Variants in SNTG2 observed in about 807,000 individuals in gnomAD.
SNTG2 encodes the protein gamma-2-syntrophin.
Under a neutral mutation model 70.9 loss-of-function variants are expected in SNTG2, and 74 were observed. The observed-to-expected ratio is 1.04, with a 90% CI of 0.86 to 1.27. The LOEUF (loss-of-function observed/expected upper bound fraction) is 1.27. SNTG2 is among the 50% of genes most tolerant of loss of function. SNTG2 has a pLI of 0.00. For missense variants in SNTG2, 717 were observed against 690.7 expected, an observed-to-expected ratio of 1.04 and a Z score of -0.43; for synonymous variants, 278 against 273.8, an observed-to-expected ratio of 1.02 and a Z score of -0.15.
intron 6 of SNTG2, among the ~76,000 whole-genome samples, chr2:1,155,596 C>G (rs12714391): frequency 0.78 from 118,412 of 151,896 alleles, 47,044 homozygotes; most frequent in Non-Finnish European, 0.86. Context: ...ATGTGTGCAA[C>G]AATCTGGACG....
intron 13 of SNTG2, among the ~76,000 whole-genome samples, chr2:1,264,562 A>C (rs1678621840): frequency 6.6e-6 from 1 of 152,244 alleles, no homozygotes; most frequent in Non-Finnish European, 1.5e-5. Flanking sequence ...GCTGTGCACC[A>C]CAGATTGAGG....
chr2:1,301,222 G>C (rs1436232791), intron 14 of SNTG2, among the ~76,000 whole-genome samples: 1 of 152,104 alleles, frequency 6.6e-6, no homozygotes, highest in African/African-American at 2.4e-5. Flanking sequence ...ATGGGATTGG[G>C]CACCTTACTT....
chr2:1,010,785 G>A (rs946454500), intron 1 of SNTG2, among the ~76,000 whole-genome samples: 7 of 152,182 alleles, frequency 4.6e-5, no homozygotes, highest in Non-Finnish European at 8.8e-5. Context: ...AATGACAGCC[G>A]TGCTCAGTGG....
chr2:1,234,590 C>T (rs934820741), intron 9 of SNTG2, among the ~76,000 whole-genome samples: 1 of 152,192 alleles, frequency 6.6e-6, no homozygotes, highest in Non-Finnish European at 1.5e-5. Flanking sequence ...CAGCCTGCCT[C>T]ATGAAGCTAT....
At chr2:1,151,708 T>C (rs1669509833) in intron 6 of SNTG2, among the ~76,000 whole-genome samples, 1 of 152,198 alleles carries the variant, frequency 6.6e-6, no homozygotes, top group Non-Finnish European at 1.5e-5. Context: ...CCTTTGCCCG[T>C]GCGTGCCGTG....
At position 1,205,068 on chromosome 2, in the gene SNTG2, T is replaced by G. The variant is rs141707995; in HGVS notation, c.592-4035T>G. Among the ~76,000 whole-genome samples, 836 of 152,314 alleles carry G rather than the reference T, an allele frequency of 5.5e-3. 6 individuals are homozygous for G. The highest frequency in any genetic ancestry group is 0.019 in the African/African-American group (774 of 41,576). On this transcript the variant is annotated intron_variant, in intron 8 of 16. Coordinates refer to ENST00000308624, the MANE Select transcript of SNTG2 (RefSeq NM_018968.4). ...ACAAAATGGGTGATAAGGTTTTTTT[T>G]AACCTTTTTATATTTCCCATCTTTT...
At chr2:1,100,998 T>C (rs1665750418) in intron 4 of SNTG2, among the ~76,000 whole-genome samples, 1 of 152,156 alleles carries the variant, frequency 6.6e-6, no homozygotes, top group Non-Finnish European at 1.5e-5. Context: ...AACCAAGGCT[T>C]GGTGAGTGTG....
rs558429178 is a variant in SNTG2, at chr2:1,236,987, G to T, written c.720-901G>T. 8.0e-4 allele frequency among the ~76,000 whole-genome samples: 121 copies of T among 150,744 alleles called. 1 individual carries two copies. Among genetic ancestry groups the T allele is most frequent in the South Asian group, 1.5e-3 (7 of 4,760 alleles). ...AGATAGGGTCTCACTCTGTTGCCCA[G>T]GCTGGAGTGCAGTGGTGTGATCTCG... On this transcript the variant is annotated intron_variant, in intron 9 of 16. Transcript: ENST00000308624.
At chr2:999,264 T>C (rs1451623488) in intron 1 of SNTG2, among the ~76,000 whole-genome samples, 2 of 152,126 alleles carry the variant, frequency 1.3e-5, no homozygotes, top group Admixed American at 1.3e-4. Flanking sequence ...ATTAACATTA[T>C]GACAGGAACA....
chr2:1,243,887 G>A (rs936784592), intron 11 of SNTG2, among the ~76,000 whole-genome samples: 45 of 152,216 alleles, frequency 3.0e-4, no homozygotes, highest in Admixed American at 2.2e-3. Flanking sequence ...TTAGCCGGGC[G>A]TGGTGGCACG....
At chr2:997,848 G>T (rs569325120) in intron 1 of SNTG2, among the ~76,000 whole-genome samples, 3 of 152,130 alleles carry the variant, frequency 2.0e-5, no homozygotes, top group African/African-American at 7.2e-5. Flanking sequence ...GCCCTTACCT[G>T]CATGAATCAC....
At chr2:1,022,471 G>T (rs568170681) in intron 1 of SNTG2, among the ~76,000 whole-genome samples, 1 of 151,494 alleles carries the variant, frequency 6.6e-6, no homozygotes, top group East Asian at 1.9e-4. Flanking sequence ...GTTCCCATGA[G>T]TCCCTGAGTT....
At position 988,077 on chromosome 2, in the gene SNTG2, C is replaced by T. The variant is rs185729085; in HGVS notation, c.72+37009C>T. Among the ~76,000 whole-genome samples, 669 of 152,334 alleles carry T rather than the reference C, an allele frequency of 4.4e-3. 6 individuals are homozygous for T. The highest frequency in any genetic ancestry group is 0.014 in the African/African-American group (589 of 41,580). On this transcript the variant is annotated intron_variant, in intron 1 of 16. Coordinates refer to ENST00000308624, the MANE Select transcript of SNTG2 (RefSeq NM_018968.4). ...GGAGCCTCCCGCCCCTTTGGCAGGA[C>T]GCAGTCACATACTGACTTTCCGTTC...
intron 8 of SNTG2, among the ~76,000 whole-genome samples, chr2:1,179,976 C>G (rs1360728563): frequency 7.3e-6 from 1 of 136,846 alleles, no homozygotes; most frequent in Non-Finnish European, 1.6e-5. Context: ...AAAGGATTCC[C>G]TATTTAATAA....
chr2:1,149,757 G>A (rs1439581766), intron 6 of SNTG2, among the ~76,000 whole-genome samples: 29 of 147,024 alleles, frequency 2.0e-4, no homozygotes, highest in African/African-American at 6.8e-4. Flanking sequence ...GTGCAATCTT[G>A]GCTCACTGCA....
intron 8 of SNTG2, among the ~76,000 whole-genome samples, chr2:1,192,738 C>T (rs1044567368): frequency 6.6e-6 from 1 of 152,086 alleles, no homozygotes; most frequent in Non-Finnish European, 1.5e-5. Flanking sequence ...CTGATCACAC[C>T]GTCCCTCCTA....
intron 9 of SNTG2, among the ~76,000 whole-genome samples, chr2:1,212,833 A>T (rs530386158): frequency 6.6e-6 from 1 of 152,192 alleles, no homozygotes. Flanking sequence ...ATTCCTGTGT[A>T]TCTTCTCCTG....
chr2:1,328,688 G>A (rs1197788436), intron 16 of SNTG2, among the ~76,000 whole-genome samples: 3 of 152,152 alleles, frequency 2.0e-5, no homozygotes, highest in Non-Finnish European at 4.4e-5. Context: ...TCAACTAGTG[G>A]AGAAACACAC....
At chr2:981,732 A>G (rs1661104961) in intron 1 of SNTG2, among the ~76,000 whole-genome samples, 1 of 152,212 alleles carries the variant, frequency 6.6e-6, no homozygotes, top group South Asian at 2.1e-4. Context: ...ACACACATGC[A>G]CATTAATGCA....
Sources: allele counts gnomAD v4.1 joint callset (sites outside exome capture counted in the v4.1 genomes callset), GRCh38; gene constraint gnomAD v4.1.1; transcripts MANE v1.5; gene names NCBI Gene and HGNC (gene_info 2026-07-23, HGNC 2026-07-21).